The following DCC variants were observed in gnomAD, a reference collection of about 807,000 sequenced individuals.
DCC encodes DCC netrin 1 receptor, also known as netrin receptor DCC.
A neutral mutation model predicts 172.5 loss-of-function variants in DCC; 58 were observed. The ratio of observed to expected loss-of-function variants is 0.34; its 90% CI spans 0.27 to 0.42. The LOEUF (loss-of-function observed/expected upper bound fraction) is 0.42, where lower values mean the gene tolerates loss of function less well. Ranked by LOEUF, DCC falls within the 10% of genes least tolerant of loss-of-function variation. DCC has a pLI of 1.00. For synonymous variants in DCC, 709 were observed against 644.5 expected (o/e 1.10, Z -1.52); for missense variants, 1,740 against 1,791.0 (o/e 0.97, Z 0.51).
chr18:52,652,281 G>C lies in DCC; in HGVS notation c.92-99773G>C, dbSNP rs559937264. Among the ~76,000 whole-genome samples, 8 of 152,306 alleles carry C rather than the reference G, an allele frequency of 5.3e-5. No homozygotes were observed. In the South Asian group the frequency reaches 6.2e-4, roughly 12 times the overall value. ...ATGCCCATGGGCACTTGGAGACTAG[G>C]TTGCTGTGTGCTGAGTGAGAACAGA... On this transcript the variant is annotated intron_variant, in intron 1 of 28. Coordinates refer to ENST00000442544, the MANE Select transcript of DCC (RefSeq NM_005215.4).
intron 5 of DCC, among the ~76,000 whole-genome samples, chr18:52,964,134 A>G (rs919214930): frequency 2.1e-4 from 32 of 152,278 alleles, no homozygotes; most frequent in Middle Eastern, 3.4e-3. Context: ...AGCTAGTTTC[A>G]TCAATAGTAA....
intron 1 of DCC, among the ~76,000 whole-genome samples, chr18:52,590,810 G>A (rs1011443402): frequency 1.2e-4 from 19 of 152,334 alleles, no homozygotes; most frequent in African/African-American, 4.1e-4. Context: ...AAGATACACA[G>A]ATAAGTCTTT....
intron 1 of DCC, among the ~76,000 whole-genome samples, chr18:52,397,180 C>T (rs1282226640): frequency 1.3e-5 from 2 of 151,660 alleles, no homozygotes; most frequent in Non-Finnish European, 2.9e-5. Flanking sequence ...ACGTGGGGAG[C>T]ATGTAAAACA....
chr18:52,444,697 T>C (rs1242023942), intron 1 of DCC, among the ~76,000 whole-genome samples: 1 of 152,224 alleles, frequency 6.6e-6, no homozygotes, highest in African/African-American at 2.4e-5. Context: ...CTGTGATCTA[T>C]TGTTTAGAAA....
intron 1 of DCC, among the ~76,000 whole-genome samples, chr18:52,484,751 A>G (rs2030127186): frequency 6.6e-6 from 1 of 151,940 alleles, no homozygotes; most frequent in Admixed American, 6.6e-5. Context: ...ACCATGGCAC[A>G]AGAATACCTG....
intron 5 of DCC, among the ~76,000 whole-genome samples, chr18:52,927,412 A>C (rs996757805): frequency 6.6e-6 from 1 of 151,820 alleles, no homozygotes; most frequent in African/African-American, 2.4e-5. Flanking sequence ...AATTATTTCC[A>C]CTACAGGCAG....
chr18:52,434,449 G>A (rs1038488158), intron 1 of DCC, among the ~76,000 whole-genome samples: 3 of 152,122 alleles, frequency 2.0e-5, no homozygotes, highest in Non-Finnish European at 4.4e-5. Context: ...AACCCTGATT[G>A]AGATAAAATG....
chr18:53,510,641 A>C (rs2046239962), intron 27 of DCC, among the ~76,000 whole-genome samples: 1 of 152,180 alleles, frequency 6.6e-6, no homozygotes, highest in African/African-American at 2.4e-5. Flanking sequence ...GCCAAGTACT[A>C]TGTTTGTTTG....
rs896842024 is a variant in DCC at position 52,860,927 on chromosome 18, A to C, written c.413-45117A>C. On this transcript the variant is annotated intron_variant, in intron 2 of 28. Transcript: ENST00000442544. ...AGGCCGAGGCAGGAGATATACCTAG[A>C]ACCTGCGGGCGGAGGTTGCAGTGAG... Among the ~76,000 whole-genome samples, 11 of 151,468 alleles carry C rather than the reference A, an allele frequency of 7.3e-5. No homozygotes were observed. The East Asian group carries it at 2.1e-3, about 29-fold the overall frequency.
At chr18:52,894,453 A>AT (rs561306232) in intron 2 of DCC, among the ~76,000 whole-genome samples, 9 of 150,042 alleles carry the variant, frequency 6.0e-5, no homozygotes, top group Non-Finnish European at 1.3e-4. Context: ...TATTTATATT[A>AT]TTTTTATATA....
At chr18:52,458,416 A>G (rs1045535937) in intron 1 of DCC, among the ~76,000 whole-genome samples, 4 of 152,238 alleles carry the variant, frequency 2.6e-5, no homozygotes, top group South Asian at 2.1e-4. Context: ...ATGTCGTTCA[A>G]TCTTAAGCAG....
intron 7 of DCC, among the ~76,000 whole-genome samples, chr18:53,081,964 A>G (rs561565042): frequency 6.6e-6 from 1 of 152,192 alleles, no homozygotes; most frequent in Admixed American, 6.6e-5. Flanking sequence ...AGTCTGTCCC[A>G]TTTCTCTAAG....
At chr18:53,083,104 T>G (rs976180537) in intron 7 of DCC, among the ~76,000 whole-genome samples, 1 of 152,244 alleles carries the variant, frequency 6.6e-6, no homozygotes, top group Admixed American at 6.5e-5. Flanking sequence ...AACATAATCA[T>G]CAAAACATCT....
At chr18:52,849,332 C>T (rs546507265) in intron 2 of DCC, among the ~76,000 whole-genome samples, 1 of 152,236 alleles carries the variant, frequency 6.6e-6, no homozygotes, top group African/African-American at 2.4e-5. Flanking sequence ...GCAGGAATGC[C>T]TTTCCTGCTT....
intron 15 of DCC, among the ~76,000 whole-genome samples, chr18:53,364,847 TGTGCACAC>T (rs1294810546): frequency 6.6e-6 from 1 of 152,116 alleles, no homozygotes; most frequent in Non-Finnish European, 1.5e-5. Context: ...CATGTGCACA[TGTGCACAC>T]ATGCACACAT....
chr18:52,589,446 G>C (rs112247335), intron 1 of DCC, among the ~76,000 whole-genome samples: 2,207 of 152,214 alleles, frequency 0.014, 68 homozygotes, highest in African/African-American at 0.051. Context: ...TTCCCTGAAG[G>C]CTTTGGATAT....
At chr18:53,480,087 A>G (rs1000076094) in intron 25 of DCC, among the ~76,000 whole-genome samples, 1 of 152,186 alleles carries the variant, frequency 6.6e-6, no homozygotes, top group Admixed American at 6.5e-5. Flanking sequence ...GCCAAAATGT[A>G]CACCTGGATG....
chr18:53,522,255 A>G (rs1490357013), intron 27 of DCC, among the ~76,000 whole-genome samples: 2 of 152,044 alleles, frequency 1.3e-5, no homozygotes, highest in East Asian at 3.9e-4. Flanking sequence ...GGCACCAGGA[A>G]CACCGTGGTT....
intron 1 of DCC, among the ~76,000 whole-genome samples, chr18:52,730,813 G>A (rs2145093593): frequency 6.6e-6 from 1 of 152,276 alleles, no homozygotes; most frequent in East Asian, 1.9e-4. Flanking sequence ...CACTGGTTCT[G>A]ATAAACACTA....
Sources: allele counts gnomAD v4.1 joint callset (sites outside exome capture counted in the v4.1 genomes callset), GRCh38; gene constraint gnomAD v4.1.1; transcripts MANE v1.5; gene names NCBI Gene and HGNC (gene_info 2026-07-23, HGNC 2026-07-21).